ZNF100: variants seen among roughly 807,000 people sequenced by gnomAD.
The protein encoded by ZNF100 is zinc finger protein 100.
In ZNF100, 12 loss-of-function variants were observed where a neutral mutation model predicts 15.8. The observed-to-expected ratio is 0.76, with a 90% CI of 0.49 to 1.23. The LOEUF (loss-of-function observed/expected upper bound fraction) is 1.23. Ranked by LOEUF, ZNF100 falls within the 50% of genes most tolerant of loss-of-function variation. The pLI is 0.00. For synonymous variants in ZNF100, 226 were observed against 214.8 expected, an observed-to-expected ratio of 1.05 and a Z score of -0.45; for missense variants, 670 against 635.6, an observed-to-expected ratio of 1.05 and a Z score of -0.58.
At chr19:21,737,132 A>T (rs8105002) in intron 4 of ZNF100, among the ~76,000 whole-genome samples, 115,411 of 151,610 alleles carry the variant, frequency 0.76, 45,102 homozygotes, top group Non-Finnish European at 0.85. Context: ...ATAAAATAAA[A>T]GAGATAGACC....
Position 21,765,687 on chromosome 19 carries a change from G to A in ZNF100, c.96+7C>T, listed in dbSNP as rs202043184. 120 of 1,603,220 alleles carry A rather than the reference G, an allele frequency of 7.5e-5. No homozygotes were observed. In the Admixed American group the frequency reaches 1.2e-3, roughly 16 times the overall value. ...GTGAAGACAATTTTAATGTCTCAAG[G>A]GGTTACCTTTTCAAAATAAGACTGC... is the stretch of plus-strand genomic sequence containing the variant. On this transcript the variant is annotated splice_region_variant and intron_variant, in intron 2 of 4. Transcript: ENST00000358296.
At chr19:21,763,132 G>T (rs1341655368) in intron 2 of ZNF100, among the ~76,000 whole-genome samples, 1 of 152,150 alleles carries the variant, frequency 6.6e-6, no homozygotes, top group Non-Finnish European at 1.5e-5. Flanking sequence ...AGTCCTTGGG[G>T]CTGCTCTGCC....
In ZNF100 at chr19:21,767,548, C is replaced by A; in HGVS notation, c.-119G>T. On this transcript the variant is annotated 5_prime_UTR_variant, in exon 1 of 5. In the 5' UTR this introduces an upstream ATG that the reference lacks. Coordinates refer to ENST00000358296, the MANE Select transcript of ZNF100 (RefSeq NM_173531.4). ...AGACACAGAGAAGTGAGAGCAAAAC[C>A]TGGAGCTCCGGCTACAGCGAGAGAC... The A allele has an allele frequency of 6.9e-7, 1 of 1,454,864 alleles. No homozygotes were observed. Among genetic ancestry groups the A allele is most frequent in the Non-Finnish European group, 9.4e-7 (1 of 1,069,448 alleles). 90.1% of individuals were successfully genotyped at this position (1,454,864 alleles called of 1,614,324 possible).
In ZNF100 at chr19:21,722,802, AAAGT is replaced by A; in HGVS notation, c.*3877_*3880del. 6.6e-6 allele frequency: 1 copy of A among 150,902 alleles called. No homozygotes were observed. Among genetic ancestry groups the A allele is most frequent in the South Asian group, 2.1e-4 (1 of 4,822 alleles). 9.3% of individuals were successfully genotyped at this position (150,902 alleles called of 1,614,324 possible). ...TATTATATAAGTATATATTTTAATA[AAAGT>A]ATGTTACATAATAAAAAATAAATTT... On this transcript the variant is annotated 3_prime_UTR_variant, in exon 5 of 5. Coordinates refer to ENST00000358296, the MANE Select transcript of ZNF100 (RefSeq NM_173531.4).
intron 2 of ZNF100, among the ~76,000 whole-genome samples, chr19:21,754,085 T>C (rs1161926637): frequency 1.3e-5 from 2 of 152,342 alleles, no homozygotes; most frequent in Non-Finnish European, 2.9e-5. Context: ...ATCCTAGGAA[T>C]CTTGCTTATA....
chr19:21,728,991 C>T (rs974581536), intron 4 of ZNF100, among the ~76,000 whole-genome samples: 4 of 150,644 alleles, frequency 2.7e-5, no homozygotes, highest in East Asian at 2.0e-4. Context: ...TTGAAAGAAA[C>T]GATGTAAAGA....
intron 2 of ZNF100, among the ~76,000 whole-genome samples, chr19:21,747,256 C>CT (rs1160770225): frequency 6.6e-6 from 1 of 152,166 alleles, no homozygotes; most frequent in African/African-American, 2.4e-5. Flanking sequence ...CCTCATACTT[C>CT]ATTCTGGCCT....
intron 2 of ZNF100, among the ~76,000 whole-genome samples, chr19:21,762,713 T>C (rs915473736): frequency 5.3e-5 from 8 of 152,098 alleles, no homozygotes; most frequent in East Asian, 1.9e-4. Context: ...AAAATAACAA[T>C]AATAATAGAG....
At chr19:21,766,416 T>TTA (rs34133876) in intron 1 of ZNF100, among the ~76,000 whole-genome samples, 3 of 144,276 alleles carry the variant, frequency 2.1e-5, no homozygotes, top group African/African-American at 7.6e-5. Flanking sequence ...GGTTCCTACT[T>TTA]AAAAAAAAAA....
At chr19:21,737,246 C>T (rs1406506055) in intron 4 of ZNF100, among the ~76,000 whole-genome samples, 1 of 152,020 alleles carries the variant, frequency 6.6e-6, no homozygotes, top group Non-Finnish European at 1.5e-5. Flanking sequence ...ATCATCAGGG[C>T]TTGGCGTGGT....
At chr19:21,743,853 C>CA (rs55874930) in intron 4 of ZNF100, among the ~76,000 whole-genome samples, 164 bp downstream of exon 4, 316 of 96,588 alleles carry the variant, frequency 3.3e-3, no homozygotes, top group African/African-American at 0.011. Context: ...ACGTGACAGC[C>CA]AAAAAAAAAA....
In ZNF100 at chr19:21,723,194, A is replaced by C. The variant is rs74167876; in HGVS notation, c.*3489T>G. 0.086 allele frequency: 13,021 copies of C among 150,898 alleles called. 728 individuals carry two copies. The highest frequency in any genetic ancestry group is 0.18 in the South Asian group (840 of 4,764). 9.3% of individuals were successfully genotyped at this position (150,898 alleles called of 1,614,324 possible). A position where few individuals can be genotyped will look rare whatever the true frequency, so the allele number is the denominator to read the frequency against. On this transcript the variant is annotated 3_prime_UTR_variant, in exon 5 of 5. Transcript: ENST00000358296. Reference sequence around the variant, plus strand: ...TGGTGAAACTTCGTCTCTACAAAAAATTAAAAAAAAAAAAATTCAGCCAGA... The same window carrying C: ...TGGTGAAACTTCGTCTCTACAAAAACTTAAAAAAAAAAAAATTCAGCCAGA...
At chr19:21,758,166 T>C (rs1336218271) in intron 2 of ZNF100, among the ~76,000 whole-genome samples, 5 of 151,588 alleles carry the variant, frequency 3.3e-5, no homozygotes, top group African/African-American at 1.2e-4. Flanking sequence ...TGGAGACCAT[T>C]AGCCTTAGAA....
intron 2 of ZNF100, among the ~76,000 whole-genome samples, chr19:21,755,124 C>T (rs1016398358): frequency 6.6e-6 from 1 of 151,996 alleles, no homozygotes; most frequent in Non-Finnish European, 1.5e-5. Context: ...ACCAGCCTGG[C>T]CAACATGGAG....
In ZNF100 at chr19:21,723,675, T is replaced by C. The variant is rs2035722314; in HGVS notation, c.*3008A>G. On this transcript the variant is annotated 3_prime_UTR_variant, in exon 5 of 5. Coordinates refer to ENST00000358296, the MANE Select transcript of ZNF100 (RefSeq NM_173531.4). ...CCACTGATGTTTTCCATCTCTGAAC[T>C]GAAGTTACAAGCTAACTTTAGCAGG... The C allele has an allele frequency of 2.6e-5, 4 of 152,212 alleles. No individual in the cohort carries two copies. The South Asian group carries it at 8.3e-4, about 31-fold the overall frequency. The allele number at this position is 152,212 out of a possible 1,614,324, so 9.4% of individuals were successfully genotyped here.
At chr19:21,744,502 A>C (rs2036176378) in intron 3 of ZNF100, among the ~76,000 whole-genome samples, 1 of 152,088 alleles carries the variant, frequency 6.6e-6, no homozygotes, top group African/African-American at 2.4e-5. Context: ...CCTCCTGAGT[A>C]GCTGGGACTA....
Position 21,727,110 on chromosome 19 carries a change from T to C in ZNF100, c.1202A>G (p.Tyr401Cys). The change falls in exon 5 of 5, where the codon TAC becomes TGC. Residue 401 changes from tyrosine to cysteine, a missense_variant. Coordinates refer to ENST00000358296, the MANE Select transcript of ZNF100 (RefSeq NM_173531.4). ...GCCTTTGCCGCATTCTTCACATTTGTAGAATTTCTCTCCAGTATGACTTGT... is the reference window on the plus strand; with the variant it reads ...GCCTTTGCCGCATTCTTCACATTTGCAGAATTTCTCTCCAGTATGACTTGT... ...HKTSHTGEKF[Y>C]KCEECGKGFN... is the part of the protein sequence containing the mutation. 6.2e-7 allele frequency: 1 copy of C among 1,612,180 alleles called. No individual in the cohort carries two copies. The highest frequency in any genetic ancestry group is 1.7e-4 in the Middle Eastern group (1 of 6,050).
chr19:21,754,565 G>A (rs535842692), intron 2 of ZNF100, among the ~76,000 whole-genome samples: 2 of 152,068 alleles, frequency 1.3e-5, no homozygotes, highest in Non-Finnish European at 2.9e-5. Context: ...AAATGGTGCT[G>A]GGGAAACTGG....
intron 4 of ZNF100, among the ~76,000 whole-genome samples, chr19:21,736,513 A>G (rs2036011330): frequency 6.6e-6 from 1 of 152,224 alleles, no homozygotes; most frequent in African/African-American, 2.4e-5. Flanking sequence ...AATAACAAGG[A>G]TATTCAGGAC....
Sources: allele counts gnomAD v4.1 joint callset (sites outside exome capture counted in the v4.1 genomes callset), GRCh38; gene constraint gnomAD v4.1.1; transcripts MANE v1.5; gene names NCBI Gene and HGNC (gene_info 2026-07-23, HGNC 2026-07-21).